FHOD3: variants seen among roughly 807,000 people sequenced by gnomAD.
The protein encoded by FHOD3 is FH1/FH2 domain-containing protein 3.
Under a neutral mutation model 173.0 loss-of-function variants are expected in FHOD3, and 90 were observed. The observed-to-expected ratio is 0.52, with a 90% CI of 0.44 to 0.62. The LOEUF (loss-of-function observed/expected upper bound fraction) is 0.62. Ranked by LOEUF, FHOD3 falls within the 20% of genes least tolerant of loss-of-function variation. The pLI, the probability that FHOD3 is intolerant of heterozygous loss-of-function variation, is 0.00. For synonymous variants in FHOD3, 828 were observed against 823.0 expected (o/e 1.01, Z -0.10); for missense variants, 1,945 against 2,034.7 (o/e 0.96, Z 0.85).
chr18:36,402,495 T>C (rs573665359), intron 3 of FHOD3, among the ~76,000 whole-genome samples: 37 of 142,970 alleles, frequency 2.6e-4, no homozygotes, highest in Non-Finnish European at 5.2e-4. Context: ...ATATATAATG[T>C]GATGCAATTA....
intron 3 of FHOD3, among the ~76,000 whole-genome samples, chr18:36,410,639 A>T (rs1042304049): frequency 3.9e-5 from 6 of 152,094 alleles, no homozygotes; most frequent in African/African-American, 1.2e-4. Flanking sequence ...GTTTTTCCAC[A>T]TTCTTACCAA....
intron 3 of FHOD3, among the ~76,000 whole-genome samples, chr18:36,432,271 A>G (rs925371876): frequency 1.3e-5 from 2 of 152,214 alleles, no homozygotes; most frequent in Non-Finnish European, 2.9e-5. Context: ...TGCCAGCTGG[A>G]TGCTAGTTTA....
At chr18:36,618,471 C>G (rs557321297) in intron 9 of FHOD3, among the ~76,000 whole-genome samples, 4 of 152,006 alleles carry the variant, frequency 2.6e-5, no homozygotes, top group African/African-American at 9.6e-5. Flanking sequence ...CGCCACCATG[C>G]CTGGCTAATT....
intron 3 of FHOD3, among the ~76,000 whole-genome samples, chr18:36,461,191 C>G (rs1210145163): frequency 1.3e-5 from 2 of 152,172 alleles, no homozygotes; most frequent in African/African-American, 4.8e-5. Flanking sequence ...ACTCCTCTTC[C>G]ATTGCTATCA....
rs150153026 is a variant in FHOD3, at chr18:36,687,129, C to G, written c.1972C>G (p.Arg658Gly). 2.4e-4 allele frequency: 380 copies of G among 1,607,006 alleles called. No homozygotes were observed. Among genetic ancestry groups the G allele is most frequent in the Admixed American group, 1.1e-3 (64 of 59,694 alleles). ...GTTTGTTCTACATATTTCCATTAGC[C>G]GAGATTATTTAGACAAAAGAGAGGA... ...IEREERNKFS[R>G]DYLDKREEQR... Residue 658 changes from arginine (R) to glycine (G), a missense_variant and splice_region_variant, in exon 16 of 29, where the codon CGA becomes GGA. Transcript: ENST00000590592.
At chr18:36,508,676 C>A (rs1165320181) in intron 4 of FHOD3, among the ~76,000 whole-genome samples, 4 of 150,392 alleles carry the variant, frequency 2.7e-5, no homozygotes, top group African/African-American at 9.8e-5. Flanking sequence ...GTGAAAGATG[C>A]TAGCAAACTA....
intron 19 of FHOD3, among the ~76,000 whole-genome samples, chr18:36,719,811 A>G (rs1365509): frequency 0.3 from 45,906 of 152,066 alleles, 7,404 homozygotes; most frequent in South Asian, 0.45. Context: ...ACAGTGACAG[A>G]GTTAGTGCCT....
chr18:36,684,089 C>T (rs1323416576), intron 15 of FHOD3, among the ~76,000 whole-genome samples: 2 of 152,214 alleles, frequency 1.3e-5, no homozygotes, highest in African/African-American at 4.8e-5. Context: ...ATGCCATAGG[C>T]TTTGAGAACT....
At chr18:36,302,167 A>G (rs2091970765) in intron 1 of FHOD3, among the ~76,000 whole-genome samples, 1 of 152,174 alleles carries the variant, frequency 6.6e-6, no homozygotes, top group African/African-American at 2.4e-5. Context: ...TTCTCCTTCC[A>G]GGCAGCCTGT....
At chr18:36,743,870 A>T (rs2042026227) in intron 22 of FHOD3, among the ~76,000 whole-genome samples, 162 bp from the exon 23 acceptor site, 1 of 152,148 alleles carries the variant, frequency 6.6e-6, no homozygotes, top group Non-Finnish European at 1.5e-5. Flanking sequence ...TGGCTGGCCC[A>T]TGTGTGATCA....
intron 3 of FHOD3, among the ~76,000 whole-genome samples, chr18:36,462,061 T>C (rs1175337314): frequency 6.6e-6 from 1 of 152,186 alleles, no homozygotes; most frequent in Non-Finnish European, 1.5e-5. Flanking sequence ...TTGGGATGAT[T>C]TTATATAAAT....
At chr18:36,355,683 C>A in intron 2 of FHOD3, 38 bp downstream of exon 2, 1 of 1,554,154 alleles carries the variant, frequency 6.4e-7, no homozygotes, top group South Asian at 1.1e-5. Context: ...TGGTCCCCAC[C>A]TACCAGGAAA....
intron 1 of FHOD3, among the ~76,000 whole-genome samples, chr18:36,308,500 G>T (rs1346007531): frequency 6.6e-6 from 1 of 152,136 alleles, no homozygotes; most frequent in Admixed American, 6.5e-5. Context: ...AGAGATGATT[G>T]TTAAAACCGT....
intron 3 of FHOD3, among the ~76,000 whole-genome samples, chr18:36,466,387 C>G (rs890120401): frequency 7.2e-5 from 11 of 152,162 alleles, no homozygotes; most frequent in African/African-American, 2.4e-4. Flanking sequence ...GACTAGGCAG[C>G]TGTTGCTCAA....
chr18:36,629,087 G>C (rs78120969), intron 10 of FHOD3, among the ~76,000 whole-genome samples: 19,531 of 152,246 alleles, frequency 0.13, 1,353 homozygotes, highest in Non-Finnish European at 0.15. Context: ...ATACGTGGAA[G>C]AGTGACCTGG....
intron 10 of FHOD3, among the ~76,000 whole-genome samples, chr18:36,627,974 A>G (rs1169826175): frequency 6.6e-6 from 1 of 152,196 alleles, no homozygotes; most frequent in Non-Finnish European, 1.5e-5. Flanking sequence ...ACCTAACGCT[A>G]GCTTATAGCA....
At chr18:36,605,120 A>G (rs981290762) in intron 8 of FHOD3, among the ~76,000 whole-genome samples, 4 of 152,158 alleles carry the variant, frequency 2.6e-5, no homozygotes, top group Admixed American at 2.6e-4. Context: ...TCTTTTTGTG[A>G]GCTCATTTTA....
intron 7 of FHOD3, among the ~76,000 whole-genome samples, chr18:36,599,952 C>T (rs1434236975): frequency 6.8e-6 from 1 of 146,210 alleles, no homozygotes; most frequent in Non-Finnish European, 1.5e-5. Context: ...AACCTGTACT[C>T]CAGTGTTTGG....
At chr18:36,367,217 T>C (rs1054917851) in intron 2 of FHOD3, among the ~76,000 whole-genome samples, 2 of 152,218 alleles carry the variant, frequency 1.3e-5, no homozygotes, top group African/African-American at 4.8e-5. Context: ...TTAGCGGTAG[T>C]GCCGTTGTGT....
Sources: allele counts gnomAD v4.1 joint callset (sites outside exome capture counted in the v4.1 genomes callset), GRCh38; gene constraint gnomAD v4.1.1; transcripts MANE v1.5; gene names NCBI Gene and HGNC (gene_info 2026-07-23, HGNC 2026-07-21).